Variants in PKHD1 observed in about 807,000 individuals in gnomAD.
The protein encoded by PKHD1 is PKHD1 ciliary IPT domain containing fibrocystin/polyductin, also known as fibrocystin.
Under a neutral mutation model 412.0 loss-of-function variants are expected in PKHD1, and 291 were observed. The observed-to-expected ratio is 0.71, with a 90% CI of 0.64 to 0.78. The LOEUF is 0.78. PKHD1 is among the 30% of genes least tolerant of loss of function. PKHD1 has a pLI of 0.00. For missense variants in PKHD1, 4,825 were observed against 4,950.7 expected (o/e 0.97, Z 0.76); for synonymous variants, 1,777 against 1,821.5 (o/e 0.98, Z 0.62).
chr6:52,052,032 A>G (rs1806937886), intron 21 of PKHD1, among the ~76,000 whole-genome samples: 1 of 152,220 alleles, frequency 6.6e-6, no homozygotes, highest in African/African-American at 2.4e-5. Context: ...AAGGCTGATA[A>G]AGAGTCCTCT....
intron 36 of PKHD1, among the ~76,000 whole-genome samples, chr6:51,944,612 C>T (rs191070448): frequency 1.0e-3 from 152 of 152,264 alleles, no homozygotes; most frequent in Non-Finnish European, 4.1e-4. Context: ...ATCAATATTC[C>T]CCATACCCTA....
chr6:51,949,268 T>G (rs1402386849), intron 36 of PKHD1, among the ~76,000 whole-genome samples: 1 of 152,194 alleles, frequency 6.6e-6, no homozygotes. Context: ...TATTAAATAG[T>G]CAAATGGATA....
rs1199532290 is a variant in PKHD1 at position 51,884,013 on chromosome 6, A to C, written c.7216-786T>G. ...TCCAAGCCTCCAGAATCATGAGCTA[A>C]TAAATTTCTGTTTATTATAATTTTC... On this transcript the variant is annotated intron_variant, in intron 45 of 66. Transcript: ENST00000371117. Among the ~76,000 whole-genome samples, 4 of 152,332 alleles carry C rather than the reference A, an allele frequency of 2.6e-5. 1 individual carries two copies. Among genetic ancestry groups the C allele is most frequent in the Middle Eastern group, 6.8e-3 (2 of 294 alleles).
At position 51,847,822 on chromosome 6, in the gene PKHD1, C is replaced by A. The variant is rs761976378; in HGVS notation, c.8060G>T (p.Gly2687Val). The A allele has an allele frequency of 6.2e-7, 1 of 1,613,906 alleles. No individual in the cohort carries two copies. The highest frequency in any genetic ancestry group is 8.5e-7 in the Non-Finnish European group (1 of 1,179,822). ...CTGGCTATTGAAGAACCAGTCACAG[C>A]CTTGGTTCTGACCTGGTGATGGAAG... ...PFLPSPGQNQ[G>V]CDWFFNSQLR... Residue 2687 changes from glycine to valine, a missense_variant, in exon 50 of 67, where the codon GGC becomes GTC. Transcript: ENST00000371117.
At chr6:51,702,224 T>TATATTATACTTATA (rs1562129855) in intron 60 of PKHD1, among the ~76,000 whole-genome samples, 1 of 147,784 alleles carries the variant, frequency 6.8e-6, no homozygotes, top group African/African-American at 2.5e-5. Context: ...ATATATTATA[T>TATATTATACTTATA]ATATGTCATG....
intron 35 of PKHD1, among the ~76,000 whole-genome samples, chr6:51,991,256 T>C (rs1016619605): frequency 6.6e-6 from 1 of 152,152 alleles, no homozygotes; most frequent in Non-Finnish European, 1.5e-5. Flanking sequence ...GAATGGAAGA[T>C]AGAAACAAAA....
At chr6:52,033,204 T>C (rs1417838865) in intron 28 of PKHD1, 39 bp from the exon 29 acceptor site, 1 of 1,541,900 alleles carries the variant, frequency 6.5e-7, no homozygotes. Context: ...TCAGTTTTAT[T>C]TTAAAGTAGG....
In PKHD1 at chr6:51,753,224, T is replaced by C. The variant is rs758315314; in HGVS notation, c.8927A>G (p.Lys2976Arg). 7 of 1,613,814 alleles carry C rather than the reference T, an allele frequency of 4.3e-6. No homozygotes were observed. The highest frequency in any genetic ancestry group is 5.1e-6 in the Non-Finnish European group (6 of 1,179,778). Residue 2976 changes from lysine to arginine, a missense_variant, in exon 57 of 67, where the codon AAG becomes AGG. By Grantham distance (26) the Lys-to-Arg change is conservative. Coordinates refer to ENST00000371117, the MANE Select transcript of PKHD1 (RefSeq NM_138694.4). ...RGRLFVGSFR[K>R]SSREEFSGVL... ...ACCTGAAAATTCTTCTCGGCTGGAC[T>C]TCCTGAAGGACCCCACAAACAGTCT...
At chr6:51,868,314 G>C (rs1027687355) in intron 47 of PKHD1, among the ~76,000 whole-genome samples, 14 of 152,114 alleles carry the variant, frequency 9.2e-5, no homozygotes, top group Admixed American at 3.3e-4. Context: ...GATACTAAGA[G>C]GTATAACTGC....
chr6:51,817,250 G>A (rs1719932337), intron 52 of PKHD1, among the ~76,000 whole-genome samples: 2 of 152,170 alleles, frequency 1.3e-5, no homozygotes, highest in Admixed American at 1.3e-4. Context: ...TACTACAGGT[G>A]ATCTTGCTAA....
At chr6:51,626,314 T>A (rs970862621) in intron 66 of PKHD1, among the ~76,000 whole-genome samples, 12 of 152,216 alleles carry the variant, frequency 7.9e-5, no homozygotes, top group Admixed American at 1.3e-4. Context: ...GGAAATTATA[T>A]GAATATTTTT....
intron 60 of PKHD1, among the ~76,000 whole-genome samples, chr6:51,720,636 A>G (rs988068483): frequency 6.6e-6 from 1 of 151,900 alleles, no homozygotes; most frequent in South Asian, 2.1e-4. Flanking sequence ...CTAAATTTTG[A>G]TGCACTTATA....
chr6:52,005,226 T>C (rs1798903544), intron 35 of PKHD1, among the ~76,000 whole-genome samples: 1 of 152,216 alleles, frequency 6.6e-6, no homozygotes, highest in African/African-American at 2.4e-5. Context: ...GCTGAGATGC[T>C]TCTACCTCTC....
chr6:52,055,451 C>G, intron 19 of PKHD1, 136 bp downstream of exon 19: 2 of 955,862 alleles, frequency 2.1e-6, no homozygotes, highest in Non-Finnish European at 3.3e-6. Context: ...GTCGAGAGAC[C>G]TAGAACCTCA....
intron 60 of PKHD1, among the ~76,000 whole-genome samples, chr6:51,723,308 A>G (rs1041457529): frequency 7.9e-5 from 12 of 152,202 alleles, no homozygotes; most frequent in African/African-American, 2.9e-4. Flanking sequence ...AAGTGCACAC[A>G]TATGGTCAGT....
intron 35 of PKHD1, among the ~76,000 whole-genome samples, chr6:51,980,277 C>T (rs1562042993): frequency 6.6e-6 from 1 of 152,056 alleles, no homozygotes. Context: ...AGAAAATATT[C>T]ATCAAGGTAT....
intron 60 of PKHD1, among the ~76,000 whole-genome samples, chr6:51,673,756 G>A (rs1227575790): frequency 6.6e-6 from 1 of 152,170 alleles, no homozygotes; most frequent in South Asian, 2.1e-4. Context: ...GAGCAGCATG[G>A]AAACATGAAA....
Position 52,024,264 on chromosome 6 carries a change from A to T in PKHD1, c.5236+310T>A, listed in dbSNP as rs113796539. Among the ~76,000 whole-genome samples the T allele has an allele frequency of 3.5e-3, 532 of 152,368 alleles. 3 individuals are homozygous for T. Among genetic ancestry groups the T allele is most frequent in the African/African-American group, 0.012 (514 of 41,590 alleles). On this transcript the variant is annotated intron_variant, in intron 32 of 66. Transcript: ENST00000371117. ...TAGGTGAAGGCATTTACGTTCTTAA[A>T]TGATCAAATTATGAGCTCTTACAAA...
chr6:52,048,657 T>G, intron 22 of PKHD1, 38 bp from the exon 23 acceptor site: 1 of 1,613,050 alleles, frequency 6.2e-7, no homozygotes, highest in Non-Finnish European at 8.5e-7. Context: ...ACGTCTGGGT[T>G]GGGGTGTGCA....
Sources: gnomAD v4.1 joint callset for allele counts (sites outside exome capture counted in the v4.1 genomes callset) on GRCh38, gnomAD v4.1.1 for gene constraint, MANE v1.5 for transcripts, NCBI Gene and HGNC (gene_info 2026-07-23, HGNC 2026-07-21) for gene names.